CMTM4: variants seen among roughly 807,000 people sequenced by gnomAD.
CMTM4 encodes the protein CKLF like MARVEL transmembrane domain containing 4.
Under a neutral mutation model 19.0 loss-of-function variants are expected in CMTM4, and 8 were observed. The ratio of observed to expected loss-of-function variants is 0.42; its 90% CI spans 0.25 to 0.76. The LOEUF (loss-of-function observed/expected upper bound fraction) is 0.76. Among genes scored for constraint, CMTM4 ranks in the 30% least tolerant of loss-of-function variants. The probability of loss-of-function intolerance (pLI) is 0.27; values close to 1 mark genes in which losing one functional copy is unlikely to be tolerated. For synonymous variants in CMTM4, 106 were observed against 121.1 expected, an observed-to-expected ratio of 0.88 and a Z score of 0.82; for missense variants, 228 against 290.2, an observed-to-expected ratio of 0.79 and a Z score of 1.56.
In CMTM4 at chr16:66,620,454, G is replaced by A. The variant is rs1021267392; in HGVS notation, c.*1604C>T. ...CGTACTGAAGGTGTTGGTGCAGGAA[G>A]CTAACCCCAACTCCGACCCCCAGCC... On this transcript the variant is annotated 3_prime_UTR_variant, in exon 4 of 4. Coordinates refer to ENST00000394106, the MANE Select transcript of CMTM4 (RefSeq NM_181521.3). 4 of 985,372 alleles carry A rather than the reference G, an allele frequency of 4.1e-6. No homozygotes were observed. The highest frequency in any genetic ancestry group is 3.5e-5 in the African/African-American group (2 of 57,242). The allele number at this position is 985,372 out of a possible 1,614,324, so 61.0% of individuals were successfully genotyped here.
rs571122617 is a variant in CMTM4, at chr16:66,622,979, T to C, written c.462+425A>G. 6.6e-6 allele frequency among the ~76,000 whole-genome samples: 1 copy of C among 152,212 alleles called. No individual in the cohort carries two copies. The highest frequency in any genetic ancestry group is 6.5e-5 in the Admixed American group (1 of 15,282). Reference sequence around the variant, plus strand: ...TACATTATCTGGTCCCCACCTGCCGTGGCATTTCCACCTTGAAATGTCATG... The same window carrying C: ...TACATTATCTGGTCCCCACCTGCCGCGGCATTTCCACCTTGAAATGTCATG... On this transcript the variant is annotated intron_variant, in intron 3 of 3. Transcript: ENST00000394106. This position sits in a 1 kb window ranked among gnomAD's most constrained non-coding sequence, Gnocchi z 4.0.
intron 1 of CMTM4, among the ~76,000 whole-genome samples, chr16:66,672,433 A>T (rs2016726208): frequency 6.6e-6 from 1 of 151,074 alleles, no homozygotes; most frequent in African/African-American, 2.4e-5. Context: ...AAAAAAAAAA[A>T]ACCTAATGAC....
chr16:66,683,135 A>G (rs1204243814), intron 1 of CMTM4, among the ~76,000 whole-genome samples: 53 of 135,570 alleles, frequency 3.9e-4, no homozygotes, highest in African/African-American at 1.4e-3. Context: ...GTGTGTATAT[A>G]TATATATATA....
Position 66,622,131 on chromosome 16 carries a change from T to C in CMTM4, c.554A>G (p.Asn185Ser), listed in dbSNP as rs200868392. The C allele has an allele frequency of 6.0e-5, 96 of 1,612,140 alleles. No individual in the cohort carries two copies. Among genetic ancestry groups the C allele is most frequent in the African/African-American group, 1.6e-4 (12 of 75,026 alleles). ...CTCCGTGCGGGCTCGGATGTAGTCA[T>C]TGGTGCTCTGCTGGCGGACGCTGAC... ...WRVSVRQQST[N>S]DYIRARTESR... Residue 185 changes from asparagine to serine, a missense_variant, in exon 4 of 4, where the codon AAT becomes AGT. Coordinates refer to ENST00000394106, the MANE Select transcript of CMTM4 (RefSeq NM_181521.3). This position sits in a 1 kb window ranked among gnomAD's most constrained non-coding sequence, Gnocchi z 4.0.
At chr16:66,604,787 C>T in the CMTM4 span, 66 of 1,244,928 alleles carry the variant, frequency 5.3e-5, no homozygotes, top group Non-Finnish European at 6.4e-5. Context: ...CGAGCCCCGG[C>T]CCTACCGCCG....
chr16:66,646,086 C>G (rs762195883), intron 1 of CMTM4, among the ~76,000 whole-genome samples: 13 of 152,134 alleles, frequency 8.5e-5, no homozygotes, highest in Non-Finnish European at 1.9e-4. Flanking sequence ...ATTCTGTGGA[C>G]TGGCGGGGAA....
At chr16:66,663,703 G>A (rs546208820) in intron 1 of CMTM4, among the ~76,000 whole-genome samples, 15 of 151,472 alleles carry the variant, frequency 9.9e-5, no homozygotes, top group East Asian at 5.9e-4. Flanking sequence ...CCGCCACACC[G>A]AGCTAATTTT....
intron 1 of CMTM4, among the ~76,000 whole-genome samples, chr16:66,641,961 TAGAC>T (rs927999410): frequency 1.8e-4 from 27 of 152,348 alleles, no homozygotes; most frequent in African/African-American, 6.0e-4. Context: ...TGTAATTACA[TAGAC>T]AGATACATAA....
chr16:66,601,487 T>C, the CMTM4 span, among the ~76,000 whole-genome samples: 3 of 151,626 alleles, frequency 2.0e-5, no homozygotes, highest in Non-Finnish European at 4.4e-5. Flanking sequence ...GGCCTCAGAG[T>C]GGAGGAAGTG....
At chr16:66,627,050 C>T (rs749605851) in intron 2 of CMTM4, among the ~76,000 whole-genome samples, 5 of 152,124 alleles carry the variant, frequency 3.3e-5, no homozygotes, top group Admixed American at 1.3e-4. Flanking sequence ...CTGCAGTGAG[C>T]GGAGACTGCG....
rs143052238 is a variant in CMTM4, at chr16:66,622,905, C to G, written c.462+499G>C. Among the ~76,000 whole-genome samples, 467 of 152,340 alleles carry G rather than the reference C, an allele frequency of 3.1e-3. 7 individuals carry two copies. Among genetic ancestry groups the G allele is most frequent in the African/African-American group, 0.011 (451 of 41,592 alleles). On this transcript the variant is annotated intron_variant, in intron 3 of 3. Transcript: ENST00000394106. This position sits in a 1 kb window ranked among gnomAD's most constrained non-coding sequence, Gnocchi z 4.0. Reference sequence around the variant, plus strand: ...CATTACAAAAAGGATAACTGTTCCTCATAAACTGAGAACAATACAGAAATG... The same window carrying G: ...CATTACAAAAAGGATAACTGTTCCTGATAAACTGAGAACAATACAGAAATG...
chr16:66,672,953 T>A (rs2016738559), intron 1 of CMTM4, among the ~76,000 whole-genome samples: 1 of 120,252 alleles, frequency 8.3e-6, no homozygotes. Flanking sequence ...GACGGAGTCT[T>A]GCTCCCATCA....
downstream of CMTM4, among the ~76,000 whole-genome samples, chr16:66,611,596 G>C (rs1448181364): frequency 6.6e-6 from 1 of 152,164 alleles, no homozygotes; most frequent in Non-Finnish European, 1.5e-5. Flanking sequence ...AGCTCATGGG[G>C]ACTGACTGGG....
chr16:66,675,181 A>T (rs1324332371), intron 1 of CMTM4, among the ~76,000 whole-genome samples: 1 of 151,206 alleles, frequency 6.6e-6, no homozygotes, highest in Non-Finnish European at 1.5e-5. Flanking sequence ...CCTGGGTTCA[A>T]GTGATTCTCC....
At chr16:66,637,998 G>A (rs768142466) in intron 1 of CMTM4, among the ~76,000 whole-genome samples, 5 of 152,166 alleles carry the variant, frequency 3.3e-5, no homozygotes, top group Non-Finnish European at 5.9e-5. Context: ...CCAAGGCACG[G>A]GCTGTTCTGG....
intron 2 of CMTM4, among the ~76,000 whole-genome samples, chr16:66,624,955 C>T (rs1477797000): frequency 2.6e-5 from 4 of 152,006 alleles, no homozygotes; most frequent in African/African-American, 7.2e-5. Flanking sequence ...AACCAGGAAG[C>T]GTTTAGTTAC....
Position 66,687,780 on chromosome 16 carries a change from T to C in CMTM4, c.186+8560A>G, listed in dbSNP as rs565470800. Among the ~76,000 whole-genome samples the C allele has an allele frequency of 7.1e-4, 105 of 148,436 alleles. 2 individuals are homozygous for C. Among genetic ancestry groups the C allele is most frequent in the Non-Finnish European group, 1.3e-3 (90 of 67,676 alleles). On this transcript the variant is annotated intron_variant, in intron 1 of 3. Transcript: ENST00000394106. ...TTGGCTCACTGCAAGCTCCGCCTCCTGGGTTCACGCTATTCTCCTGCCTCA... is the reference window on the plus strand; with the variant it reads ...TTGGCTCACTGCAAGCTCCGCCTCCCGGGTTCACGCTATTCTCCTGCCTCA...
Position 66,694,712 on chromosome 16 carries a change from CAAAAAAAAAAA to C in CMTM4, c.186+1617_186+1627del, listed in dbSNP as rs752909314. Among the ~76,000 whole-genome samples the C allele has an allele frequency of 8.8e-3, 389 of 44,368 alleles. 5 individuals are homozygous for C. The highest frequency in any genetic ancestry group is 0.029 in the African/African-American group (348 of 11,964). The allele number at this position is 44,368 out of a possible 152,430, so 29.1% of individuals were successfully genotyped here. On this transcript the variant is annotated intron_variant, in intron 1 of 3. Coordinates refer to ENST00000394106, the MANE Select transcript of CMTM4 (RefSeq NM_181521.3). Reference sequence around the variant, plus strand: ...TGGGCGACAGAGCTAGACTCCATCTCAAAAAAAAAAAAAAAAAAAAAAGGCAATTGCACACC... The same window carrying C: ...TGGGCGACAGAGCTAGACTCCATCTCAAAAAAAAAAAGGCAATTGCACACC...
At chr16:66,649,987 C>T (rs1238813765) in intron 1 of CMTM4, among the ~76,000 whole-genome samples, 1 of 152,178 alleles carries the variant, frequency 6.6e-6, no homozygotes, top group Non-Finnish European at 1.5e-5. Context: ...CGCTATTATA[C>T]ACAAAAAGAA....
Sources: allele counts gnomAD v4.1 joint callset (sites outside exome capture counted in the v4.1 genomes callset), GRCh38; gene constraint gnomAD v4.1.1; non-coding constraint Gnocchi (gnomAD v3.1); transcripts MANE v1.5; gene names NCBI Gene and HGNC (gene_info 2026-07-23, HGNC 2026-07-21).